DCDC2C: variants seen among roughly 807,000 people sequenced by gnomAD.
DCDC2C encodes doublecortin domain containing 2C.
A neutral mutation model predicts 45.0 loss-of-function variants in DCDC2C; 44 were observed. That is an observed-to-expected ratio of 0.98 (90% CI 0.77 to 1.26). DCDC2C has a LOEUF of 1.26. DCDC2C is among the 50% of genes most tolerant of loss of function. The pLI is 0.00. For missense variants in DCDC2C, 447 were observed against 468.9 expected (o/e 0.95, Z 0.43); for synonymous variants, 187 against 178.8 (o/e 1.05, Z -0.37).
At position 3,752,861 on chromosome 2, in the gene DCDC2C, C is replaced by T; in HGVS notation, c.644C>T (p.Pro215Leu). The change falls in exon 5 of 11, where the codon CCT becomes CTT. Residue 215 changes from proline to leucine, a missense_variant. Physicochemically the swap from Pro to Leu is moderately conservative, Grantham distance 98. Coordinates refer to ENST00000399143, the MANE Select transcript of DCDC2C (RefSeq NM_001287444.2). ...GGACTGGAGACCTTCAAATATTTTCCTTACTGGAAGTCTCCAAGGGTGCCC... is the reference window on the plus strand; with the variant it reads ...GGACTGGAGACCTTCAAATATTTTCTTTACTGGAAGTCTCCAAGGGTGCCC... ...AVGLETFKYF[P>L]YWKSPRVPSE... is the part of the protein sequence containing the mutation. 1 of 1,550,496 alleles carries T rather than the reference C, an allele frequency of 6.4e-7. No individual in the cohort carries two copies. Among genetic ancestry groups the T allele is most frequent in the Non-Finnish European group, 8.7e-7 (1 of 1,146,934 alleles).
At chr2:3,771,464 A>C (rs1469693262) in intron 8 of DCDC2C, among the ~76,000 whole-genome samples, 1 of 152,182 alleles carries the variant, frequency 6.6e-6, no homozygotes, top group Non-Finnish European at 1.5e-5. Flanking sequence ...CCACTCTCAT[A>C]TCTCTCCTTG....
At chr2:3,765,513 T>TA (rs1309602807) in intron 6 of DCDC2C, among the ~76,000 whole-genome samples, 1 of 152,150 alleles carries the variant, frequency 6.6e-6, no homozygotes, top group Non-Finnish European at 1.5e-5. Context: ...AGGTGGGTCT[T>TA]AGATCATGAA....
In DCDC2C at chr2:3,726,988, T is replaced by G; in HGVS notation, c.340-15T>G. 6.5e-7 allele frequency: 1 copy of G among 1,550,052 alleles called. No individual in the cohort carries two copies. Among genetic ancestry groups the G allele is most frequent in the Non-Finnish European group, 8.7e-7 (1 of 1,146,626 alleles). On this transcript the variant is annotated splice_polypyrimidine_tract_variant and intron_variant, in intron 2 of 10. Coordinates refer to ENST00000399143, the MANE Select transcript of DCDC2C (RefSeq NM_001287444.2). ...ATTTGAACTGAATTCCCAGGTGTGT[T>G]TTTTCCTTTTTCAGATCAAACCAGT...
chr2:3,830,141 T>A (rs1178456600), intron 10 of DCDC2C, among the ~76,000 whole-genome samples: 3 of 152,194 alleles, frequency 2.0e-5, no homozygotes, highest in Non-Finnish European at 4.4e-5. Context: ...GAAAACCCAA[T>A]GGTTAATGTT....
intron 2 of DCDC2C, chr2:3,725,907 T>C (rs4849923): frequency 0.8 from 120,996 of 150,902 alleles, 49,653 homozygotes; most frequent in South Asian, 0.94. Flanking sequence ...ACGAGGCTGC[T>C]GGGTGGATCC....
At chr2:3,730,110 G>C (rs1394522677) in intron 3 of DCDC2C, among the ~76,000 whole-genome samples, 1 of 152,208 alleles carries the variant, frequency 6.6e-6, no homozygotes, top group Non-Finnish European at 1.5e-5. Context: ...CCTCCCACGA[G>C]GGTGGTATGC....
At position 3,837,621 on chromosome 2, in the gene DCDC2C, G is replaced by GCTACAGTATC. The variant is rs1672113446; in HGVS notation, c.1066-9533_1066-9532insCTACAGTATC. On this transcript the variant is annotated intron_variant, in intron 10 of 10. Coordinates refer to ENST00000399143, the MANE Select transcript of DCDC2C (RefSeq NM_001287444.2). ...CTCATCTAAAGGGGAAGAAACTGAG[G>GCTACAGTATC]AAGAAATCAGCCTTTGGCTCCCCCT... 3.9e-5 allele frequency among the ~76,000 whole-genome samples: 4 copies of GCTACAGTATC among 103,138 alleles called. 1 individual carries two copies. Among genetic ancestry groups the GCTACAGTATC allele is most frequent in the Admixed American group, 2.0e-4 (2 of 10,082 alleles). The allele number at this position is 103,138 out of a possible 152,430, so 67.7% of individuals were successfully genotyped here.
chr2:3,739,972 C>T (rs1230760294), intron 3 of DCDC2C, among the ~76,000 whole-genome samples: 1 of 152,216 alleles, frequency 6.6e-6, no homozygotes, highest in African/African-American at 2.4e-5. Context: ...CAGTGGGGCA[C>T]TGAAGAAGCG....
rs1400297773 is a variant in DCDC2C at position 3,769,431 on chromosome 2, T to C, written c.954+20T>C. Reference sequence around the variant, plus strand: ...GACCAGGTGGGTGTCCGGGGTCCGATGTCCATGCCGTCTTCACTCCATTCC... The same window carrying C: ...GACCAGGTGGGTGTCCGGGGTCCGACGTCCATGCCGTCTTCACTCCATTCC... On this transcript the variant is annotated intron_variant, in intron 8 of 10. Coordinates refer to ENST00000399143, the MANE Select transcript of DCDC2C (RefSeq NM_001287444.2). 3.7e-5 allele frequency: 58 copies of C among 1,546,826 alleles called. No individual in the cohort carries two copies. The highest frequency in any genetic ancestry group is 4.9e-5 in the Non-Finnish European group (56 of 1,144,058).
At chr2:3,711,052 T>C (rs1668195131) in intron 2 of DCDC2C, among the ~76,000 whole-genome samples, 1 of 152,244 alleles carries the variant, frequency 6.6e-6, no homozygotes, top group Non-Finnish European at 1.5e-5. Context: ...TGTATAAGCA[T>C]TCCCTTTTCT....
intron 10 of DCDC2C, among the ~76,000 whole-genome samples, chr2:3,829,173 C>T (rs989511785): frequency 1.7e-4 from 26 of 152,092 alleles, no homozygotes; most frequent in African/African-American, 4.8e-4. Context: ...GCAACGCAAC[C>T]GCTTCACCGC....
chr2:3,741,813 T>G, intron 3 of DCDC2C, 107 bp from the exon 4 acceptor site: 1 of 1,203,502 alleles, frequency 8.3e-7, no homozygotes, highest in Non-Finnish European at 1.1e-6. Context: ...GGCTGCTTAG[T>G]GCATCTCATT....
intron 10 of DCDC2C, among the ~76,000 whole-genome samples, chr2:3,810,033 A>C (rs1572633867): frequency 6.6e-6 from 1 of 152,172 alleles, no homozygotes; most frequent in Non-Finnish European, 1.5e-5. Context: ...TTGCTATTGT[A>C]AATAGTGCTG....
At chr2:3,816,607 G>A (rs1248514714) in intron 10 of DCDC2C, among the ~76,000 whole-genome samples, 1 of 152,194 alleles carries the variant, frequency 6.6e-6, no homozygotes, top group Non-Finnish European at 1.5e-5. Context: ...ATAAGAATGG[G>A]AACGAGAATA....
intron 2 of DCDC2C, among the ~76,000 whole-genome samples, chr2:3,714,828 A>G (rs1668308909): frequency 6.6e-6 from 1 of 152,068 alleles, no homozygotes; most frequent in Admixed American, 6.5e-5. Flanking sequence ...CTTCCACTAT[A>G]CTTCTTAGTG....
intron 10 of DCDC2C, among the ~76,000 whole-genome samples, chr2:3,794,522 C>A (rs944866770): frequency 2.6e-5 from 4 of 152,162 alleles, no homozygotes; most frequent in South Asian, 2.1e-4. Context: ...CCGCTCCCCC[C>A]ACCCCACAAC....
intron 10 of DCDC2C, chr2:3,844,136 A>G (rs1305196262): frequency 6.6e-6 from 1 of 152,248 alleles, no homozygotes; most frequent in African/African-American, 2.4e-5. Context: ...CCCAGTAGAA[A>G]TAGAAGCCCA....
At chr2:3,731,710 G>A (rs1466023285) in intron 3 of DCDC2C, among the ~76,000 whole-genome samples, 1 of 152,214 alleles carries the variant, frequency 6.6e-6, no homozygotes, top group Non-Finnish European at 1.5e-5. Flanking sequence ...CCGGTTTCAT[G>A]AGAACAGAAT....
At chr2:3,730,039 A>G (rs1668817214) in intron 3 of DCDC2C, among the ~76,000 whole-genome samples, 1 of 152,246 alleles carries the variant, frequency 6.6e-6, no homozygotes, top group Non-Finnish European at 1.5e-5. Flanking sequence ...AGAAGGGTCC[A>G]GCCGTTGCTT....
Sources: gnomAD v4.1 joint callset for allele counts (sites outside exome capture counted in the v4.1 genomes callset) on GRCh38, gnomAD v4.1.1 for gene constraint, MANE v1.5 for transcripts, NCBI Gene and HGNC (gene_info 2026-07-23, HGNC 2026-07-21) for gene names.